Variants in PHF21A observed in about 807,000 individuals in gnomAD.
PHF21A encodes the protein BHC80a.
In PHF21A, 11 loss-of-function variants were observed where a neutral mutation model predicts 82.5. The observed-to-expected ratio is 0.13, with a 90% CI of 0.08 to 0.22. PHF21A has a LOEUF of 0.22. Ranked by LOEUF, PHF21A falls within the 10% of genes least tolerant of loss-of-function variation. The probability of loss-of-function intolerance (pLI) is 1.00; values close to 1 mark genes in which losing one functional copy is unlikely to be tolerated. For missense variants in PHF21A, 579 were observed against 837.8 expected (o/e 0.69, Z 3.81); for synonymous variants, 297 against 302.8 (o/e 0.98, Z 0.20).
chr11:45,963,987 T>C lies in PHF21A; in HGVS notation c.996+1328A>G, dbSNP rs565148954. ...GCTGAGGCAGGCAGGTCACTTGAGG[T>C]TGGGAGTTTGAGATCAGCTGACCAA... is the stretch of plus-strand genomic sequence containing the variant. On this transcript the variant is annotated intron_variant, in intron 10 of 18. Transcript: ENST00000676320. 7.2e-5 allele frequency among the ~76,000 whole-genome samples: 11 copies of C among 151,904 alleles called. No homozygotes were observed. The South Asian group carries it at 2.3e-3, about 32-fold the overall frequency.
At position 45,969,887 on chromosome 11, in the gene PHF21A, A is replaced by T; in HGVS notation, c.630T>A (p.Pro210=). ...NTVTLQVQAT[P]PQPIKVPQFI... Reference sequence around the variant, plus strand: ...ACTGTGGTACTTTGATGGGCTGAGGAGGTGTTGCCTGAACCTGCTAAAAAA... The same window carrying T: ...ACTGTGGTACTTTGATGGGCTGAGGTGGTGTTGCCTGAACCTGCTAAAAAA... Residue 210 remains proline, a synonymous_variant, in exon 9 of 19, where the codon CCT becomes CCA. Coordinates refer to ENST00000676320, the MANE Select transcript of PHF21A (RefSeq NM_001352027.3). 3 of 1,613,428 alleles carry T rather than the reference A, an allele frequency of 1.9e-6. No homozygotes were observed. Among genetic ancestry groups the T allele is most frequent in the African/African-American group, 2.7e-5 (2 of 75,060 alleles).
chr11:46,067,615 G>A lies in PHF21A; in HGVS notation c.153+9139C>T, dbSNP rs570213524. On this transcript the variant is annotated intron_variant, in intron 6 of 18. Coordinates refer to ENST00000676320, the MANE Select transcript of PHF21A (RefSeq NM_001352027.3). The stretch of plus-strand genomic sequence containing the variant: ...ACCCCCCACAAAAAAAAAAAAAACT[G>A]AATTGAATCATTTAAATGGGAATTT... Among the ~76,000 whole-genome samples the A allele has an allele frequency of 1.3e-4, 19 of 142,950 alleles. No individual in the cohort carries two copies. The East Asian group carries it at 3.5e-3, about 26-fold the overall frequency. 93.8% of individuals were successfully genotyped at this position (142,950 alleles called of 152,430 possible). A position where few individuals can be genotyped will look rare whatever the true frequency, so the allele number is the denominator to read the frequency against.
At chr11:46,108,795 T>C (rs1046560134) in intron 1 of PHF21A, among the ~76,000 whole-genome samples, 5 of 152,118 alleles carry the variant, frequency 3.3e-5, no homozygotes, top group African/African-American at 1.2e-4. Flanking sequence ...ATGTAAACCA[T>C]TTGCACCTAC....
intron 10 of PHF21A, among the ~76,000 whole-genome samples, chr11:45,962,389 T>C (rs1278754652): frequency 6.6e-6 from 1 of 152,100 alleles, no homozygotes; most frequent in African/African-American, 2.4e-5. Context: ...CTATGAGATC[T>C]CTTACTGGCT....
intron 9 of PHF21A, among the ~76,000 whole-genome samples, chr11:45,969,259 T>A (rs1177064173): frequency 6.6e-6 from 1 of 152,218 alleles, no homozygotes; most frequent in Admixed American, 6.5e-5. Flanking sequence ...GTTAGCCTAA[T>A]TGCTGGAAGA....
chr11:45,967,783 T>C (rs1335866263), intron 9 of PHF21A, among the ~76,000 whole-genome samples: 2 of 152,222 alleles, frequency 1.3e-5, no homozygotes, highest in African/African-American at 4.8e-5. Flanking sequence ...AAAACGACCC[T>C]GTGGTGGGTG....
In PHF21A at chr11:45,936,482, A is replaced by G; in HGVS notation, c.1684+12T>C. On this transcript the variant is annotated intron_variant, in intron 17 of 18. Coordinates refer to ENST00000676320, the MANE Select transcript of PHF21A (RefSeq NM_001352027.3). ...GAAGCTTACAAAAAAGTGGGTATGG[A>G]TAACTCCTTACCTGCTTTGTAGGCA... 10 of 1,575,244 alleles carry G rather than the reference A, an allele frequency of 6.3e-6. No individual in the cohort carries two copies. Among genetic ancestry groups the G allele is most frequent in the Middle Eastern group, 1.7e-4 (1 of 5,970 alleles).
rs562000032 is a variant in PHF21A at position 46,058,374 on chromosome 11, T to C, written c.153+18380A>G. Among the ~76,000 whole-genome samples, 20 of 152,310 alleles carry C rather than the reference T, an allele frequency of 1.3e-4. 1 individual carries two copies. The South Asian group carries it at 4.2e-3, about 32-fold the overall frequency. ...CTGATTAAGACTTTGAAAGGATATT[T>C]TGAAGGGCAGTTCAAAGGAAACTCA... On this transcript the variant is annotated intron_variant, in intron 6 of 18. Coordinates refer to ENST00000676320, the MANE Select transcript of PHF21A (RefSeq NM_001352027.3).
intron 6 of PHF21A, among the ~76,000 whole-genome samples, chr11:46,020,724 T>C (rs2095611362): frequency 6.6e-6 from 1 of 152,220 alleles, no homozygotes; most frequent in African/African-American, 2.4e-5. Flanking sequence ...AAACAACCTG[T>C]TTTGAATGCT....
intron 6 of PHF21A, among the ~76,000 whole-genome samples, chr11:46,020,802 A>G (rs1338682794): frequency 3.3e-5 from 5 of 152,220 alleles, no homozygotes; most frequent in Non-Finnish European, 7.3e-5. Flanking sequence ...TTTCAAATAC[A>G]GACAGTCCCC....
chr11:45,946,230 G>T, intron 14 of PHF21A: 1 of 955,336 alleles, frequency 1.0e-6, no homozygotes, highest in Non-Finnish European at 1.6e-6. Context: ...GGATAAGAGA[G>T]CTCTGGAGAA....
chr11:46,105,702 A>G (rs1430811554), intron 1 of PHF21A, among the ~76,000 whole-genome samples: 1 of 152,224 alleles, frequency 6.6e-6, no homozygotes, highest in African/African-American at 2.4e-5. Flanking sequence ...TTAAATGAGA[A>G]AAAAGCAAAA....
intron 6 of PHF21A, among the ~76,000 whole-genome samples, chr11:46,034,081 G>C (rs1366216358): frequency 1.3e-5 from 2 of 152,102 alleles, no homozygotes; most frequent in Non-Finnish European, 2.9e-5. Context: ...ATATCTCACT[G>C]TGGTTTTAAA....
At chr11:46,111,969 C>T (rs1022726980) in intron 1 of PHF21A, among the ~76,000 whole-genome samples, 2 of 152,182 alleles carry the variant, frequency 1.3e-5, no homozygotes, top group African/African-American at 4.8e-5. Context: ...CATTTTGCAG[C>T]ATCTTATTTT....
At chr11:46,071,872 T>A (rs1470537989) in intron 6 of PHF21A, among the ~76,000 whole-genome samples, 1 of 152,162 alleles carries the variant, frequency 6.6e-6, no homozygotes, top group African/African-American at 2.4e-5. Flanking sequence ...AAGATTTTCA[T>A]AAGTTAGTTT....
chr11:46,020,836 G>A (rs2095613562), intron 6 of PHF21A, among the ~76,000 whole-genome samples: 1 of 152,174 alleles, frequency 6.6e-6, no homozygotes. Context: ...TTGATTTACA[G>A]TGGTACCAAA....
chr11:46,000,875 G>T lies in PHF21A; in HGVS notation c.154-20909C>A, dbSNP rs532271903. 3.3e-5 allele frequency among the ~76,000 whole-genome samples: 5 copies of T among 151,940 alleles called. No homozygotes were observed. In the East Asian group the frequency reaches 9.7e-4, roughly 29 times the overall value. On this transcript the variant is annotated intron_variant, in intron 6 of 18. Transcript: ENST00000676320. ...ATGGAGGTTGCAGTGAGCCAAGATC[G>T]CACCATTGCACTCCAGCCTGGGCAA...
At chr11:46,038,500 G>A (rs1592328831) in intron 6 of PHF21A, among the ~76,000 whole-genome samples, 1 of 152,174 alleles carries the variant, frequency 6.6e-6, no homozygotes, top group East Asian at 1.9e-4. Context: ...CTTGAAGGAG[G>A]TAAAGGAGTC....
chr11:46,113,321 C>T (rs2097244721), intron 1 of PHF21A, among the ~76,000 whole-genome samples: 1 of 152,152 alleles, frequency 6.6e-6, no homozygotes, highest in Non-Finnish European at 1.5e-5. Context: ...TGTATGTTCT[C>T]TGATGTGGCA....
Sources: allele counts gnomAD v4.1 joint callset (sites outside exome capture counted in the v4.1 genomes callset), GRCh38; gene constraint gnomAD v4.1.1; transcripts MANE v1.5; gene names NCBI Gene and HGNC (gene_info 2026-07-23, HGNC 2026-07-21).